Variants in MYO6 observed in about 807,000 individuals in gnomAD.
The protein encoded by MYO6 is myosin VI.
Under a neutral mutation model 178.7 loss-of-function variants are expected in MYO6, and 74 were observed. That is an observed-to-expected ratio of 0.41 (90% CI 0.34 to 0.50). The LOEUF (loss-of-function observed/expected upper bound fraction) is 0.50. Ranked by LOEUF, MYO6 falls within the 20% of genes least tolerant of loss-of-function variation. MYO6 has a pLI of 0.09. For synonymous variants in MYO6, 477 were observed against 504.6 expected (o/e 0.95, Z 0.73); for missense variants, 1,330 against 1,547.4 (o/e 0.86, Z 2.36).
rs771235729 is a variant in MYO6, at chr6:75,873,253, G to A, written c.2030G>A (p.Ser677Asn). 6.2e-7 allele frequency: 1 copy of A among 1,614,042 alleles called. No homozygotes were observed. Among genetic ancestry groups the A allele is most frequent in the South Asian group, 1.1e-5 (1 of 91,070 alleles). The change falls in exon 20 of 35, where the codon AGC (serine) becomes AAC (asparagine). Residue 677 changes from serine (S) to asparagine (N), a missense_variant. By Grantham distance (46) the Ser-to-Asn change is conservative. Around this residue, in one of 3 missense-constraint regions of MYO6, gnomAD observed 613 missense variants for 816.8 expected, o/e 0.75. Transcript: ENST00000369977. ...RCIKPNLKMTSHHFEGAQILS... is the reference protein window; with the variant it reads ...RCIKPNLKMTNHHFEGAQILS... ...ATCAAACCTAACTTAAAGATGACAA[G>A]CCACCACTTTGAAGGTGCTCAAATT... is the stretch of plus-strand genomic sequence containing the variant.
At chr6:75,807,044 T>C (rs1188468597) in intron 1 of MYO6, among the ~76,000 whole-genome samples, 11 of 152,198 alleles carry the variant, frequency 7.2e-5, no homozygotes, top group African/African-American at 1.7e-4. Flanking sequence ...TTGATGACAG[T>C]GCTCAGCGTG....
intron 1 of MYO6, among the ~76,000 whole-genome samples, chr6:75,772,663 A>G (rs1048467858): frequency 6.6e-5 from 10 of 152,228 alleles, no homozygotes; most frequent in Admixed American, 5.9e-4. Flanking sequence ...ACCTTCAGGT[A>G]TAGGTGGATG....
Position 75,876,078 on chromosome 6 carries a change from T to C in MYO6, c.2077+2778T>C, listed in dbSNP as rs367630009. Reference sequence around the variant, plus strand: ...CCTCCCAGCACAGGACCTGTGCACATGCTGCCTCCTCTGTTTGGGATGTTC... The same window carrying C: ...CCTCCCAGCACAGGACCTGTGCACACGCTGCCTCCTCTGTTTGGGATGTTC... On this transcript the variant is annotated intron_variant, in intron 20 of 34. Transcript: ENST00000369977. 2.6e-5 allele frequency among the ~76,000 whole-genome samples: 4 copies of C among 152,152 alleles called. No individual in the cohort carries two copies. In the East Asian group the frequency reaches 7.7e-4, roughly 29 times the overall value.
intron 1 of MYO6, among the ~76,000 whole-genome samples, chr6:75,769,036 C>A (rs775371000): frequency 6.6e-6 from 1 of 152,132 alleles, no homozygotes; most frequent in African/African-American, 2.4e-5. Flanking sequence ...CTCTTTTAAA[C>A]AACCAGATTT....
intron 11 of MYO6, among the ~76,000 whole-genome samples, chr6:75,851,520 T>A (rs1333611567): frequency 6.6e-6 from 1 of 152,006 alleles, no homozygotes; most frequent in Admixed American, 6.6e-5. Flanking sequence ...ATGTTGGTTT[T>A]GGCAGGATAT....
chr6:75,883,971 A>G (rs1050144813), intron 23 of MYO6, among the ~76,000 whole-genome samples: 5 of 152,264 alleles, frequency 3.3e-5, no homozygotes, highest in African/African-American at 1.2e-4. Context: ...TAATATAAAA[A>G]GAAAAAAGAT....
intron 28 of MYO6, among the ~76,000 whole-genome samples, chr6:75,893,075 T>C (rs1779030490): frequency 6.6e-6 from 1 of 152,152 alleles, no homozygotes; most frequent in Admixed American, 6.5e-5. Flanking sequence ...GTAATGTATT[T>C]GTAGTTGAGA....
intron 1 of MYO6, among the ~76,000 whole-genome samples, chr6:75,767,666 G>A (rs911906413): frequency 1.3e-5 from 2 of 151,348 alleles, no homozygotes; most frequent in South Asian, 2.1e-4. Flanking sequence ...CTACAGGTGC[G>A]CACCACCACA....
intron 11 of MYO6, among the ~76,000 whole-genome samples, chr6:75,852,213 A>G (rs557114824): frequency 6.6e-6 from 1 of 152,134 alleles, no homozygotes; most frequent in Non-Finnish European, 1.5e-5. Flanking sequence ...TTGATGGTCA[A>G]TTTTTTGAGA....
chr6:75,815,863 A>G (rs1481093451), intron 1 of MYO6, among the ~76,000 whole-genome samples: 1 of 152,200 alleles, frequency 6.6e-6, no homozygotes, highest in Non-Finnish European at 1.5e-5. Flanking sequence ...TTTTAAATAT[A>G]GATAAGTAGT....
rs532519821 is a variant in MYO6 at position 75,786,668 on chromosome 6, A to G, written c.-47-30833A>G. Among the ~76,000 whole-genome samples the G allele has an allele frequency of 2.0e-5, 3 of 152,314 alleles. No individual in the cohort carries two copies. In the East Asian group the frequency reaches 5.8e-4, roughly 29 times the overall value. ...AAGGGCTGCAAGGGCTGTACTGTAC[A>G]GTGAATTCCTGCATACCCTTTACCC... On this transcript the variant is annotated intron_variant, in intron 1 of 34. Transcript: ENST00000369977.
chr6:75,796,955 T>C (rs1768905979), intron 1 of MYO6, among the ~76,000 whole-genome samples: 1 of 152,226 alleles, frequency 6.6e-6, no homozygotes, highest in Non-Finnish European at 1.5e-5. Context: ...CCATGGTGTA[T>C]GTGTACTATA....
chr6:75,826,430 G>C (rs996495673), intron 3 of MYO6, among the ~76,000 whole-genome samples: 3 of 152,192 alleles, frequency 2.0e-5, no homozygotes, highest in Non-Finnish European at 4.4e-5. Flanking sequence ...TCCCATGTCT[G>C]TGTAGGCTTA....
chr6:75,907,781 GGTGT>G (rs957330651), intron 31 of MYO6, 73 bp downstream of exon 31: 8 of 1,035,530 alleles, frequency 7.7e-6, no homozygotes, highest in South Asian at 1.3e-5. Context: ...ATTAGGGTGA[GGTGT>G]GTGTGTGTAT....
intron 1 of MYO6, among the ~76,000 whole-genome samples, chr6:75,761,908 C>G (rs1777985132): frequency 6.6e-6 from 1 of 151,722 alleles, no homozygotes; most frequent in Non-Finnish European, 1.5e-5. Context: ...CTAAAATCAT[C>G]CTAGCACAGT....
At chr6:75,866,276 T>TGTCTCTGTGTGTGTGTGG (rs1776673766) in intron 16 of MYO6, among the ~76,000 whole-genome samples, 1 of 66,002 alleles carries the variant, frequency 1.5e-5, no homozygotes, top group African/African-American at 6.7e-5. Context: ...TCTCTGTCTC[T>TGTCTCTGTGTGTGTGTGG]GTGTGTGTGT....
chr6:75,814,966 GT>G (rs1282847265), intron 1 of MYO6, among the ~76,000 whole-genome samples: 3 of 152,134 alleles, frequency 2.0e-5, no homozygotes, highest in African/African-American at 4.8e-5. Context: ...TGAATATTGA[GT>G]TGCTTACTGT....
chr6:75,821,624 T>TACAC (rs3839376), intron 2 of MYO6, among the ~76,000 whole-genome samples: 5,573 of 150,890 alleles, frequency 0.037, 223 homozygotes, highest in East Asian at 0.15. Context: ...GTTGTAGCTT[T>TACAC]ACACACACAC....
In MYO6 at chr6:75,904,326, C is replaced by T. The variant is rs12662517; in HGVS notation, c.3177-3279C>T. On this transcript the variant is annotated intron_variant, in intron 30 of 34. Coordinates refer to ENST00000369977, the MANE Select transcript of MYO6 (RefSeq NM_004999.4). ...TGGATAATATCCTGCAGAGTGTTTT[C>T]CAACTTGGTTCCATTCTCCCCGTCA... Among the ~76,000 whole-genome samples, 1,922 of 151,448 alleles carry T rather than the reference C, an allele frequency of 0.013. 67 individuals carry two copies. The East Asian group carries it at 0.14, about 11-fold the overall frequency.
Sources: allele counts gnomAD v4.1 joint callset (sites outside exome capture counted in the v4.1 genomes callset), GRCh38; gene constraint gnomAD v4.1.1; regional missense constraint gnomAD v4.1.1; transcripts MANE v1.5; gene names NCBI Gene and HGNC (gene_info 2026-07-23, HGNC 2026-07-21).